Variants in GRIA2 observed in about 807,000 individuals in gnomAD.
The protein encoded by GRIA2 is glutamate ionotropic receptor AMPA type subunit 2, also known as glutamate receptor 2.
Under a neutral mutation model 97.3 loss-of-function variants are expected in GRIA2, and 14 were observed. The observed-to-expected ratio is 0.14, with a 90% CI of 0.10 to 0.23. The LOEUF (loss-of-function observed/expected upper bound fraction) is 0.23. Ranked by LOEUF, GRIA2 falls within the 10% of genes least tolerant of loss-of-function variation. GRIA2 has a pLI of 1.00. For missense variants in GRIA2, 558 were observed against 1,069.8 expected, an observed-to-expected ratio of 0.52 and a Z score of 6.67; for synonymous variants, 412 against 387.8, an observed-to-expected ratio of 1.06 and a Z score of -0.73.
At chr4:157,319,613 T>G (rs986493433) in intron 5 of GRIA2, among the ~76,000 whole-genome samples, 21 of 152,106 alleles carry the variant, frequency 1.4e-4, no homozygotes, top group African/African-American at 5.1e-4. Context: ...ACTTGGAAAT[T>G]TTACTGACAT....
chr4:157,321,345 T>C (rs1579361131), intron 5 of GRIA2, 93 bp from the exon 6 acceptor site: 2 of 868,586 alleles, frequency 2.3e-6, no homozygotes, highest in African/African-American at 3.4e-5. Flanking sequence ...CTTTGAAATA[T>C]CTAAAACCAC....
Position 157,325,303 on chromosome 4 carries a change from A to C in GRIA2, c.882+3704A>C, listed in dbSNP as rs1734754785. On this transcript the variant is annotated intron_variant, in intron 6 of 15. Coordinates refer to ENST00000264426, the MANE Select transcript of GRIA2 (RefSeq NM_001083619.3). ...TAAATTACAATGTTTAAATTTCTTC[A>C]TTCTTACAAACTATACAAAAAATAA... Among the ~76,000 whole-genome samples the C allele has an allele frequency of 1.3e-5, 2 of 152,182 alleles. 1 individual carries two copies. Among genetic ancestry groups the C allele is most frequent in the Admixed American group, 1.3e-4 (2 of 15,280 alleles).
intron 2 of GRIA2, among the ~76,000 whole-genome samples, chr4:157,294,397 A>G (rs1733245666): frequency 6.6e-6 from 1 of 151,944 alleles, no homozygotes; most frequent in Non-Finnish European, 1.5e-5. Context: ...CAGACAAGAG[A>G]TTGCAGGTTT....
intron 6 of GRIA2, 115 bp downstream of exon 6, chr4:157,321,714 T>TA (rs1401311504): frequency 1.5e-6 from 1 of 656,468 alleles, no homozygotes; most frequent in Non-Finnish European, 2.6e-6. Flanking sequence ...CGTTTCAAAA[T>TA]ATGGCAAACA....
intron 2 of GRIA2, among the ~76,000 whole-genome samples, chr4:157,259,186 C>A (rs1308011251): frequency 6.6e-6 from 1 of 152,058 alleles, no homozygotes; most frequent in Non-Finnish European, 1.5e-5. Flanking sequence ...CATGCTTGAG[C>A]CACTGCACTC....
intron 2 of GRIA2, among the ~76,000 whole-genome samples, chr4:157,276,126 A>G (rs1192715570): frequency 6.6e-6 from 1 of 152,080 alleles, no homozygotes; most frequent in African/African-American, 2.4e-5. Context: ...CTTTGAAGCA[A>G]TTGTAAATGG....
Position 157,363,671 on chromosome 4 carries a change from T to C in GRIA2, c.*240T>C. On this transcript the variant is annotated 3_prime_UTR_variant, in exon 16 of 16. Coordinates refer to ENST00000264426, the MANE Select transcript of GRIA2 (RefSeq NM_001083619.3). Reference sequence around the variant, plus strand: ...TTTATTGTCAAAGTGGTGAGAGGCATCCAGTATCTTGAAGACTTTTCTTTC... The same window carrying C: ...TTTATTGTCAAAGTGGTGAGAGGCACCCAGTATCTTGAAGACTTTTCTTTC... The C allele has an allele frequency of 1.2e-6, 1 of 812,430 alleles. No homozygotes were observed. Among genetic ancestry groups the C allele is most frequent in the Non-Finnish European group, 1.7e-6 (1 of 603,254 alleles). The allele number at this position is 812,430 out of a possible 1,614,324, so 50.3% of individuals were successfully genotyped here. A position where few individuals can be genotyped will look rare whatever the true frequency, so the allele number is the denominator to read the frequency against.
intron 2 of GRIA2, among the ~76,000 whole-genome samples, chr4:157,265,783 C>T (rs548382571): frequency 1.2e-4 from 19 of 152,186 alleles, no homozygotes; most frequent in African/African-American, 4.6e-4. Context: ...AGCAAGGCCT[C>T]ATAGCAATTT....
At chr4:157,256,172 A>ACAGT (rs1731236855) in intron 2 of GRIA2, among the ~76,000 whole-genome samples, 4 of 137,416 alleles carry the variant, frequency 2.9e-5, no homozygotes, top group African/African-American at 1.1e-4. Context: ...TATATGTTAT[A>ACAGT]TATTATATAT....
rs895847360 is a variant in GRIA2, at chr4:157,321,755, T to G, written c.882+156T>G. 23 of 552,222 alleles carry G rather than the reference T, an allele frequency of 4.2e-5. No individual in the cohort carries two copies. The Admixed American group carries it at 4.9e-4, about 12-fold the overall frequency. 34.2% of individuals were successfully genotyped at this position (552,222 alleles called of 1,614,324 possible). ...ACTGCTAAATATATTTTTCACATTT[T>G]TATGGTTTAAGTAAAGCTATTAGAG... On this transcript the variant is annotated intron_variant, in intron 6 of 15. Transcript: ENST00000264426.
At chr4:157,232,484 C>G (rs1178991636) in intron 2 of GRIA2, among the ~76,000 whole-genome samples, 1 of 152,100 alleles carries the variant, frequency 6.6e-6, no homozygotes, top group Non-Finnish European at 1.5e-5. Context: ...AGAATTTTGG[C>G]TTTATAATTT....
At chr4:157,292,484 C>T (rs898564348) in intron 2 of GRIA2, among the ~76,000 whole-genome samples, 46 of 151,700 alleles carry the variant, frequency 3.0e-4, no homozygotes, top group African/African-American at 1.0e-3. Context: ...CCTTGTTACA[C>T]AAGACATAAA....
intron 11 of GRIA2, among the ~76,000 whole-genome samples, chr4:157,339,327 A>T (rs1446247622): frequency 6.6e-6 from 1 of 151,990 alleles, no homozygotes; most frequent in Non-Finnish European, 1.5e-5. Flanking sequence ...GCTGATGCTG[A>T]TGGGCGAAAG....
intron 4 of GRIA2, among the ~76,000 whole-genome samples, chr4:157,313,796 T>C (rs1252535171): frequency 6.6e-6 from 1 of 152,056 alleles, no homozygotes; most frequent in Non-Finnish European, 1.5e-5. Context: ...CACATATATG[T>C]ATTTATACAG....
In GRIA2 at chr4:157,341,238, C is replaced by T. The variant is rs781574646; in HGVS notation, c.1845-26C>T. 4 of 1,526,196 alleles carry T rather than the reference C, an allele frequency of 2.6e-6. No homozygotes were observed. In the South Asian group the frequency reaches 4.5e-5, roughly 17 times the overall value. 94.5% of individuals were successfully genotyped at this position (1,526,196 alleles called of 1,614,324 possible). A position where few individuals can be genotyped will look rare whatever the true frequency, so the allele number is the denominator to read the frequency against. On this transcript the variant is annotated intron_variant, in intron 11 of 15. Coordinates refer to ENST00000264426, the MANE Select transcript of GRIA2 (RefSeq NM_001083619.3). ...TTATTAGGTCATTCATTTCACTTTA[C>T]AAATCCATTTCATACTTGTTATTAG...
chr4:157,242,533 G>T (rs1411591582), intron 2 of GRIA2, among the ~76,000 whole-genome samples: 1 of 151,998 alleles, frequency 6.6e-6, no homozygotes. Flanking sequence ...GATGATAGAG[G>T]TACTGATAAG....
intron 2 of GRIA2, among the ~76,000 whole-genome samples, chr4:157,252,178 G>T (rs1007195140): frequency 6.6e-6 from 1 of 152,000 alleles, no homozygotes. Context: ...ACATATTTTT[G>T]TATTCTGCAA....
At chr4:157,242,166 G>A (rs1221556616) in intron 2 of GRIA2, among the ~76,000 whole-genome samples, 3 of 152,020 alleles carry the variant, frequency 2.0e-5, no homozygotes, top group Non-Finnish European at 4.4e-5. Context: ...AATTTTAAAT[G>A]TGAAGATCAT....
At chr4:157,343,490 G>A (rs1735635883) in intron 12 of GRIA2, among the ~76,000 whole-genome samples, 1 of 151,952 alleles carries the variant, frequency 6.6e-6, no homozygotes, top group Admixed American at 6.6e-5. Flanking sequence ...TTCATGCTCT[G>A]TTCTTGGTTA....
Sources: allele counts gnomAD v4.1 joint callset (sites outside exome capture counted in the v4.1 genomes callset), GRCh38; gene constraint gnomAD v4.1.1; transcripts MANE v1.5; gene names NCBI Gene and HGNC (gene_info 2026-07-23, HGNC 2026-07-21).